The following BCL11A variants were observed in gnomAD, a reference collection of about 807,000 sequenced individuals.
BCL11A encodes the protein BCL11 transcription factor A.
BCL11A carries 2 observed loss-of-function variants against 55.9 expected under a neutral mutation model. That is an observed-to-expected ratio of 0.04 (90% CI 0.01 to 0.11). The LOEUF is 0.11. BCL11A is among the 10% of genes least tolerant of loss of function. BCL11A has a pLI of 1.00. For synonymous variants in BCL11A, 465 were observed against 473.4 expected, an observed-to-expected ratio of 0.98 and a Z score of 0.23; for missense variants, 817 against 1,137.1, an observed-to-expected ratio of 0.72 and a Z score of 4.05.
intron 2 of BCL11A, among the ~76,000 whole-genome samples, chr2:60,478,499 T>C (rs1677762309): frequency 6.6e-6 from 1 of 152,214 alleles, no homozygotes; most frequent in African/African-American, 2.4e-5. Flanking sequence ...AGGGGAAGCG[T>C]GGAAGGCACT....
Position 60,553,088 on chromosome 2 carries a change from C to A in BCL11A, c.55+128G>T. On this transcript the variant is annotated intron_variant, in intron 1 of 3. Transcript: ENST00000642384. Reference sequence around the variant, plus strand: ...CCTTTATCTCTTTTACCTCGACTCTCGGAGGTTTTTCTCGTGAAAAATTTA... The same window carrying A: ...CCTTTATCTCTTTTACCTCGACTCTAGGAGGTTTTTCTCGTGAAAAATTTA... 2 of 937,390 alleles carry A rather than the reference C, an allele frequency of 2.1e-6. 1 individual carries two copies. The allele number at this position is 937,390 out of a possible 1,614,324, so 58.1% of individuals were successfully genotyped here.
At chr2:60,504,379 C>G (rs1459427895) in intron 2 of BCL11A, among the ~76,000 whole-genome samples, 1 of 152,176 alleles carries the variant, frequency 6.6e-6, no homozygotes, top group Non-Finnish European at 1.5e-5. Context: ...GCAGAGGAGG[C>G]CACCTATCTG....
rs900689217 is a variant in BCL11A, at chr2:60,458,543, C to T, written c.*1861G>A. The T allele has an allele frequency of 3.9e-6, 4 of 1,036,942 alleles. No individual in the cohort carries two copies. The highest frequency in any genetic ancestry group is 1.7e-5 in the African/African-American group (1 of 59,416). The allele number at this position is 1,036,942 out of a possible 1,614,324, so 64.2% of individuals were successfully genotyped here. A position where few individuals can be genotyped will look rare whatever the true frequency, so the allele number is the denominator to read the frequency against. On this transcript the variant is annotated 3_prime_UTR_variant, in exon 4 of 4. Transcript: ENST00000642384. ...AAGTGTATTCTGTTTCCATTCACAG[C>T]GCTTGCAATGTTGCGTCCAAGTAAG...
downstream of BCL11A, among the ~76,000 whole-genome samples, chr2:60,454,986 C>T (rs1299492089): frequency 6.6e-6 from 1 of 152,180 alleles, no homozygotes; most frequent in Non-Finnish European, 1.5e-5. Flanking sequence ...CTGTGTTCAC[C>T]TCACTTCTTA....
At chr2:60,488,695 A>C (rs943885135) in intron 2 of BCL11A, among the ~76,000 whole-genome samples, 5 of 152,230 alleles carry the variant, frequency 3.3e-5, no homozygotes, top group Non-Finnish European at 7.3e-5. Flanking sequence ...TCAATAGCCA[A>C]AGATCCAAAA....
chr2:60,461,406 C>CTCCTCCTCT lies in BCL11A; in HGVS notation c.1497_1505dup (p.Glu502_Glu504dup). ...CCCTCTCGCTCTCCGTCAGCTCCTC[C>CTCCTCCTCT]TCCTCCTCTTCCTCCTCTTCTTCCT... On this transcript the variant is annotated inframe_insertion, in exon 4 of 4. Coordinates refer to ENST00000642384, the MANE Select transcript of BCL11A (RefSeq NM_022893.4). 1 of 1,605,424 alleles carries CTCCTCCTCT rather than the reference C, an allele frequency of 6.2e-7. No individual in the cohort carries two copies. Among genetic ancestry groups the CTCCTCCTCT allele is most frequent in the East Asian group, 2.2e-5 (1 of 44,754 alleles).
intron 2 of BCL11A, chr2:60,542,355 C>T (rs1459092876): frequency 6.5e-6 from 1 of 152,850 alleles, no homozygotes; most frequent in Non-Finnish European, 1.5e-5. Context: ...TATAAGGGAA[C>T]AGCAGTTTCA....
chr2:60,481,408 G>A (rs1429098585), intron 2 of BCL11A, among the ~76,000 whole-genome samples: 1 of 152,056 alleles, frequency 6.6e-6, no homozygotes, highest in Non-Finnish European at 1.5e-5. Flanking sequence ...CAGGCCCTTC[G>A]CACCTCTGCT....
intron 2 of BCL11A, chr2:60,543,321 T>A (rs1295034745): frequency 6.6e-6 from 1 of 152,242 alleles, no homozygotes; most frequent in African/African-American, 2.4e-5. Context: ...GCCAAACACA[T>A]TCTTCTAGAG....
rs997279732 is a variant in BCL11A, at chr2:60,458,129, C to T, written c.*2275G>A. The T allele has an allele frequency of 1.3e-5, 13 of 1,028,538 alleles. No homozygotes were observed. The highest frequency in any genetic ancestry group is 1.5e-5 in the Non-Finnish European group (13 of 854,996). 63.7% of individuals were successfully genotyped at this position (1,028,538 alleles called of 1,614,324 possible). ...AGCTTCAATATAAATACTATAGTGC[C>T]TAACACTAGATGAACATTTAATTCA... On this transcript the variant is annotated 3_prime_UTR_variant, in exon 4 of 4. Transcript: ENST00000642384.
intron 2 of BCL11A, among the ~76,000 whole-genome samples, chr2:60,515,398 G>C (rs1668686858): frequency 6.6e-6 from 1 of 152,182 alleles, no homozygotes; most frequent in Admixed American, 6.5e-5. Flanking sequence ...CCAGCATTAT[G>C]TTAGGCACCA....
rs1480704668 is a variant in BCL11A, at chr2:60,457,558, G to C, written c.*2846C>G. Reference sequence around the variant, plus strand: ...ATTCTGCATTGCCATTTACAAAAAAGTATTGACTAAAGCGGGCTTTCTCTT... The same window carrying C: ...ATTCTGCATTGCCATTTACAAAAAACTATTGACTAAAGCGGGCTTTCTCTT... On this transcript the variant is annotated 3_prime_UTR_variant, in exon 4 of 4. Coordinates refer to ENST00000642384, the MANE Select transcript of BCL11A (RefSeq NM_022893.4). The C allele has an allele frequency of 9.6e-7, 1 of 1,042,948 alleles. No individual in the cohort carries two copies. The highest frequency in any genetic ancestry group is 1.2e-6 in the Non-Finnish European group (1 of 865,168). The allele number at this position is 1,042,948 out of a possible 1,614,324, so 64.6% of individuals were successfully genotyped here.
At position 60,462,222 on chromosome 2, in the gene BCL11A, A is replaced by T; in HGVS notation, c.690T>A (p.Ile230=). Residue 230 remains isoleucine (I), a synonymous_variant, in exon 4 of 4, where the codon ATT becomes ATA. Coordinates refer to ENST00000642384, the MANE Select transcript of BCL11A (RefSeq NM_022893.4). ...TAAAGGGGTTATTGTCTGCAATATG[A>T]ATCCCATGGAGAGGTGGCTGGGAAG... ...ECPSQPPLHG[I]HIADNNPFNL... is the part of the protein sequence containing the mutation. 2 of 1,612,886 alleles carry T rather than the reference A, an allele frequency of 1.2e-6. No individual in the cohort carries two copies. The highest frequency in any genetic ancestry group is 2.2e-5 in the South Asian group (2 of 90,960).
At chr2:60,491,757 C>G (rs1289083098) in intron 2 of BCL11A, among the ~76,000 whole-genome samples, 1 of 151,632 alleles carries the variant, frequency 6.6e-6, no homozygotes, top group Non-Finnish European at 1.5e-5. Context: ...CACGTCAAAA[C>G]ACCCTAGGCA....
chr2:60,512,427 CCTT>C (rs1680036761), intron 2 of BCL11A, among the ~76,000 whole-genome samples: 1 of 152,168 alleles, frequency 6.6e-6, no homozygotes. Flanking sequence ...GGATCTGTCT[CCTT>C]CTACCTGCCC....
Position 60,461,026 on chromosome 2 carries a change from A to C in BCL11A, c.1886T>G (p.Leu629Arg). The stretch of plus-strand genomic sequence containing the variant: ...CTTGATGCGCTTAGAGAAGGGGCTC[A>C]GCGAGCTGGGGCTGCCCAGCAGCAG... ...KKLLLGSPSS[L>R]SPFSKRIKLE... Residue 629 changes from leucine (L) to arginine (R), a missense_variant, in exon 4 of 4, where the codon CTG becomes CGG. Transcript: ENST00000642384. 6.2e-7 allele frequency: 1 copy of C among 1,608,058 alleles called. No homozygotes were observed. The highest frequency in any genetic ancestry group is 8.5e-7 in the Non-Finnish European group (1 of 1,176,624).
chr2:60,547,976 T>C (rs990267329), intron 1 of BCL11A, among the ~76,000 whole-genome samples: 3 of 152,380 alleles, frequency 2.0e-5, no homozygotes, highest in African/African-American at 7.2e-5. Flanking sequence ...TAAGCACTTA[T>C]GTTTCTTTGC....
At chr2:60,491,017 CCACCCCA>C (rs1444028437) in intron 2 of BCL11A, among the ~76,000 whole-genome samples, 2 of 151,998 alleles carry the variant, frequency 1.3e-5, no homozygotes, top group African/African-American at 4.8e-5. Flanking sequence ...CTTTAAACAG[CCACCCCA>C]CACCCTGGAG....
At chr2:60,493,528 G>A (rs1257508010) in intron 2 of BCL11A, among the ~76,000 whole-genome samples, 3 of 152,092 alleles carry the variant, frequency 2.0e-5, no homozygotes, top group Admixed American at 6.5e-5. Context: ...ACTACACTAA[G>A]GAAATGATGG....
Sources: gnomAD v4.1 joint callset for allele counts (sites outside exome capture counted in the v4.1 genomes callset) on GRCh38, gnomAD v4.1.1 for gene constraint, MANE v1.5 for transcripts, NCBI Gene and HGNC (gene_info 2026-07-23, HGNC 2026-07-21) for gene names.